SLC9A1: variants seen among roughly 807,000 people sequenced by gnomAD.
SLC9A1 encodes the protein solute carrier family 9 member A1, also known as sodium/hydrogen exchanger 1.
SLC9A1 carries 22 observed loss-of-function variants against 67.9 expected under a neutral mutation model. That is an observed-to-expected ratio of 0.32 (90% CI 0.23 to 0.46). SLC9A1 has a LOEUF of 0.46. Among genes scored for constraint, SLC9A1 ranks in the 20% least tolerant of loss-of-function variants. SLC9A1 has a pLI of 1.00. For synonymous variants in SLC9A1, 421 were observed against 471.8 expected (o/e 0.89, Z 1.40); for missense variants, 686 against 1,094.8 (o/e 0.63, Z 5.27).
intron 1 of SLC9A1, among the ~76,000 whole-genome samples, chr1:27,126,645 T>C (rs563439811): frequency 2.0e-5 from 3 of 152,286 alleles, no homozygotes; most frequent in African/African-American, 4.8e-5. Context: ...AGCAAGTTTC[T>C]ACCTGCAAGC....
At chr1:27,132,384 G>A (rs1042739070) in intron 1 of SLC9A1, among the ~76,000 whole-genome samples, 1 of 152,014 alleles carries the variant, frequency 6.6e-6, no homozygotes, top group African/African-American at 2.4e-5. Flanking sequence ...GGGTTTGCTC[G>A]GCCATATAAT....
At chr1:27,133,506 TCTGA>T (rs1176255363) in intron 1 of SLC9A1, among the ~76,000 whole-genome samples, 2 of 152,176 alleles carry the variant, frequency 1.3e-5, no homozygotes, top group African/African-American at 4.8e-5. Context: ...CAGGACTTCA[TCTGA>T]CTAAGAGGTG....
At chr1:27,121,927 AG>A (rs2083306893) in intron 1 of SLC9A1, among the ~76,000 whole-genome samples, 1 of 152,164 alleles carries the variant, frequency 6.6e-6, no homozygotes. Context: ...GTTCGAGATT[AG>A]CCTGGCCAAC....
intron 1 of SLC9A1, among the ~76,000 whole-genome samples, chr1:27,133,591 A>G (rs926370506): frequency 6.6e-6 from 1 of 152,038 alleles, no homozygotes; most frequent in African/African-American, 2.4e-5. Flanking sequence ...ACTGAGGCCC[A>G]GGTTTAGAGG....
chr1:27,139,458 G>A (rs929933111), intron 1 of SLC9A1, among the ~76,000 whole-genome samples: 3 of 152,198 alleles, frequency 2.0e-5, no homozygotes, highest in Admixed American at 6.5e-5. Context: ...CTTCGGGGCC[G>A]TCACATAGTG....
At position 27,153,802 on chromosome 1, in the gene SLC9A1, G is replaced by C. The variant is rs6697059; in HGVS notation, c.352+181C>G. ...CTGGCTCCAATCTTGGGAAGCCTCA[G>C]ATCACAGATCAGAAGCCACAGAACT... On this transcript the variant is annotated intron_variant, in intron 1 of 11. Transcript: ENST00000263980. Among the ~76,000 whole-genome samples, 45,297 of 152,082 alleles carry C rather than the reference G, an allele frequency of 0.3. 7,247 individuals are homozygous for C. Among genetic ancestry groups the C allele is most frequent in the Non-Finnish European group, 0.36 (24,656 of 67,956 alleles).
rs2083216376 is a variant in SLC9A1, at chr1:27,109,891, G to C, written c.814-114C>G. 2 of 1,226,566 alleles carry C rather than the reference G, an allele frequency of 1.6e-6. No individual in the cohort carries two copies. The highest frequency in any genetic ancestry group is 2.8e-5 in the South Asian group (2 of 71,952). 76.0% of individuals were successfully genotyped at this position (1,226,566 alleles called of 1,614,324 possible). A position where few individuals can be genotyped will look rare whatever the true frequency, so the allele number is the denominator to read the frequency against. On this transcript the variant is annotated intron_variant, in intron 2 of 11. Transcript: ENST00000263980. The surrounding 1 kb of genome is among the most constrained non-coding windows in gnomAD (Gnocchi z 5.5). ...CCGTTAACCATGGCCACAAGAAGAG[G>C]CCACACGGTAGCAGAGAAACCCTAG...
intron 5 of SLC9A1, among the ~76,000 whole-genome samples, chr1:27,104,337 CT>C (rs1261492950): frequency 6.6e-6 from 1 of 152,194 alleles, no homozygotes; most frequent in Non-Finnish European, 1.5e-5. Flanking sequence ...CTGCCTCGGC[CT>C]CCCAAAGTGC....
intron 1 of SLC9A1, among the ~76,000 whole-genome samples, chr1:27,150,962 A>G (rs1332919964): frequency 2.0e-5 from 3 of 152,180 alleles, no homozygotes; most frequent in Non-Finnish European, 4.4e-5. Context: ...AGAATAGGCA[A>G]GACCCCAAAA....
intron 1 of SLC9A1, among the ~76,000 whole-genome samples, chr1:27,120,151 T>TGTTTTG (rs956614320): frequency 2.6e-5 from 4 of 151,660 alleles, no homozygotes; most frequent in African/African-American, 9.7e-5. Flanking sequence ...TGTTTTGTTT[T>TGTTTTG]GGGGGGGCGG....
At chr1:27,140,967 G>C (rs1420928242) in intron 1 of SLC9A1, among the ~76,000 whole-genome samples, 1 of 152,152 alleles carries the variant, frequency 6.6e-6, no homozygotes, top group African/African-American at 2.4e-5. Flanking sequence ...CAGCAATTTG[G>C]GAGGACAAGC....
intron 5 of SLC9A1, chr1:27,105,454 C>T (rs2083176791): frequency 2.1e-6 from 1 of 466,426 alleles, no homozygotes; most frequent in African/African-American, 2.0e-5. Flanking sequence ...TATGCATCAC[C>T]ATGCCCACTA....
Position 27,113,924 on chromosome 1 carries a change from GGT to G in SLC9A1, c.713_714del (p.Asp238AlafsTer9). Reference sequence around the variant, plus strand: ...TCAAAGACAGCCAGAACCGCCACGGGGTCCACGGCCGAGATGATGCTGCCGAA... The same window carrying G: ...TCAAAGACAGCCAGAACCGCCACGGGCCACGGCCGAGATGATGCTGCCGAA... Reference protein sequence around the residue: ...LLFGSIISAVDPVAVLAVFEE... With the variant: ...LLFGSIISAVXPVAVLAVFEE... On this transcript the variant is annotated frameshift_variant, in exon 2 of 12. Transcript: ENST00000263980. LOFTEE classifies it high-confidence loss of function. 6.2e-7 allele frequency: 1 copy of G among 1,614,194 alleles called. No individual in the cohort carries two copies. The highest frequency in any genetic ancestry group is 8.5e-7 in the Non-Finnish European group (1 of 1,180,028).
At chr1:27,103,643 C>T (rs950160035) in intron 5 of SLC9A1, 1 of 348,264 alleles carries the variant, frequency 2.9e-6, no homozygotes, top group Non-Finnish European at 5.5e-6. Flanking sequence ...GAAGTCAGGC[C>T]CCACACACAG....
Position 27,109,408 on chromosome 1 carries a change from A to G in SLC9A1, c.1064+119T>C. 11 of 1,110,828 alleles carry G rather than the reference A, an allele frequency of 9.9e-6. 1 individual carries two copies. In the South Asian group the frequency reaches 1.5e-4, roughly 15 times the overall value. The allele number at this position is 1,110,828 out of a possible 1,614,324, so 68.8% of individuals were successfully genotyped here. A position where few individuals can be genotyped will look rare whatever the true frequency, so the allele number is the denominator to read the frequency against. On this transcript the variant is annotated intron_variant, in intron 3 of 11. Transcript: ENST00000263980. This position sits in a 1 kb window ranked among gnomAD's most constrained non-coding sequence, Gnocchi z 5.5. ...GTCTGGAGCCTGGAGTTCATGTCTC[A>G]TCCCTGGAGCTCAAGGCTGGGCCCT...
intron 2 of SLC9A1, among the ~76,000 whole-genome samples, chr1:27,110,687 G>T (rs2083222008): frequency 6.6e-6 from 1 of 152,222 alleles, no homozygotes; most frequent in African/African-American, 2.4e-5. Flanking sequence ...ACGCCAGGGG[G>T]CCCCCAGCCC....
chr1:27,120,831 C>G (rs538364332), intron 1 of SLC9A1, among the ~76,000 whole-genome samples: 1 of 152,266 alleles, frequency 6.6e-6, no homozygotes, highest in South Asian at 2.1e-4. Flanking sequence ...CTTATACACA[C>G]CCCCTCTCAT....
At chr1:27,141,586 C>T (rs903737674) in intron 1 of SLC9A1, among the ~76,000 whole-genome samples, 1 of 152,244 alleles carries the variant, frequency 6.6e-6, no homozygotes, top group Non-Finnish European at 1.5e-5. Flanking sequence ...AATCACACCC[C>T]CTTTCTACTG....
intron 2 of SLC9A1, among the ~76,000 whole-genome samples, chr1:27,113,441 G>C (rs1393996729): frequency 6.6e-6 from 1 of 152,140 alleles, no homozygotes; most frequent in Non-Finnish European, 1.5e-5. Flanking sequence ...AGAAGACAGG[G>C]CAAGACCCTG....
Sources: gnomAD v4.1 joint callset for allele counts (sites outside exome capture counted in the v4.1 genomes callset) on GRCh38, gnomAD v4.1.1 for gene constraint, Gnocchi (gnomAD v3.1) non-coding constraint, MANE v1.5 for transcripts, NCBI Gene and HGNC (gene_info 2026-07-23, HGNC 2026-07-21) for gene names.